The following PSMC2 variants were observed in gnomAD, a reference collection of about 807,000 sequenced individuals.
PSMC2 encodes proteasome 26S subunit, ATPase 2, also known as 26S proteasome regulatory subunit 7.
In PSMC2, 7 loss-of-function variants were observed where a neutral mutation model predicts 53.3. The ratio of observed to expected loss-of-function variants is 0.13; its 90% CI spans 0.07 to 0.25. The LOEUF (loss-of-function observed/expected upper bound fraction) is 0.25. Among genes scored for constraint, PSMC2 ranks in the 10% least tolerant of loss-of-function variants. The probability of loss-of-function intolerance (pLI) is 1.00; values close to 1 mark genes in which losing one functional copy is unlikely to be tolerated. For synonymous variants in PSMC2, 169 were observed against 183.9 expected, an observed-to-expected ratio of 0.92 and a Z score of 0.66; for missense variants, 241 against 544.0, an observed-to-expected ratio of 0.44 and a Z score of 5.54.
At chr7:103,352,738 ATT>A in intron 1 of PSMC2, 1 of 733,540 alleles carries the variant, frequency 1.4e-6, no homozygotes, top group Non-Finnish European at 2.5e-6. Flanking sequence ...TGGTAGATTC[ATT>A]TTTTCTTTAT....
At chr7:103,361,510 C>CAAAAAAAAAA (rs759044767) in intron 4 of PSMC2, among the ~76,000 whole-genome samples, 8 of 51,058 alleles carry the variant, frequency 1.6e-4, no homozygotes, top group African/African-American at 3.2e-4. Context: ...AACTCCATCT[C>CAAAAAAAAAA]AAAAAAAAAA....
intron 9 of PSMC2, among the ~76,000 whole-genome samples, chr7:103,366,906 G>C (rs1003228824): frequency 1.7e-4 from 26 of 152,124 alleles, no homozygotes; most frequent in African/African-American, 6.0e-4. Context: ...CTGGGTTCAA[G>C]CAATTCTCAT....
At chr7:103,352,672 G>C in intron 1 of PSMC2, 1 of 564,580 alleles carries the variant, frequency 1.8e-6, no homozygotes, top group Non-Finnish European at 3.2e-6. Context: ...GGGATTACAA[G>C]TGTGAGCCAC....
At chr7:103,351,285 G>T (rs956956859) in intron 1 of PSMC2, among the ~76,000 whole-genome samples, 2 of 152,150 alleles carry the variant, frequency 1.3e-5, no homozygotes, top group African/African-American at 4.8e-5. Flanking sequence ...AGGATACAAA[G>T]CAAAATCAGC....
rs780322948 is a variant in PSMC2, at chr7:103,364,184, C to T, written c.633C>T (p.Gly211=). 2.7e-5 allele frequency: 43 copies of T among 1,614,040 alleles called. No homozygotes were observed. Among genetic ancestry groups the T allele is most frequent in the East Asian group, 6.7e-5 (3 of 44,898 alleles). Residue 211 remains glycine (G), a synonymous_variant, in exon 8 of 12, where the codon GGC becomes GGT. Transcript: ENST00000292644. ...FVNLGIEPPK[G]VLLFGPPGTG... ...ACCTTGGCATTGAGCCTCCCAAGGG[C>T]GTGCTGCTCTTTGGTCCACCCGGTA...
intron 1 of PSMC2, chr7:103,348,488 G>C: frequency 1.6e-6 from 1 of 606,860 alleles, no homozygotes; most frequent in Non-Finnish European, 3.1e-6. Context: ...ATAGTATCCT[G>C]TATTATGCGT....
chr7:103,362,123 C>T (rs914997186), intron 5 of PSMC2, 35 bp downstream of exon 5: 2 of 1,609,470 alleles, frequency 1.2e-6, no homozygotes, highest in African/African-American at 2.7e-5. Flanking sequence ...ACTTTTCTTT[C>T]ACTAAGGATA....
chr7:103,353,342 G>T lies in PSMC2; in HGVS notation c.71-579G>T, dbSNP rs1333462319. 5.9e-5 allele frequency among the ~76,000 whole-genome samples: 9 copies of T among 151,756 alleles called. 1 individual carries two copies. The highest frequency in any genetic ancestry group is 1.5e-5 in the Non-Finnish European group (1 of 67,950). ...TTCTTTTTGAGATGGAGTCTCTCTC[G>T]GTCACCCAGGCTGGAGTGCGGTGAT... On this transcript the variant is annotated intron_variant, in intron 1 of 11. Coordinates refer to ENST00000292644, the MANE Select transcript of PSMC2 (RefSeq NM_002803.4).
chr7:103,362,228 A>C (rs1022164477), intron 5 of PSMC2, 140 bp downstream of exon 5: 12 of 1,455,362 alleles, frequency 8.2e-6, no homozygotes, highest in Middle Eastern at 2.3e-4. Flanking sequence ...TATAGTTGAA[A>C]ATTCTGTCTT....
chr7:103,354,996 G>A, intron 3 of PSMC2, 47 bp downstream of exon 3: 1 of 1,216,848 alleles, frequency 8.2e-7, no homozygotes, highest in South Asian at 1.3e-5. Context: ...TGTAATGTGT[G>A]AATAATATCA....
At chr7:103,354,061 A>C (rs879773342) in intron 2 of PSMC2, 103 bp downstream of exon 2, 123 of 895,524 alleles carry the variant, frequency 1.4e-4, no homozygotes, top group Non-Finnish European at 1.9e-4. Context: ...AAGAAACCAA[A>C]AATTAAAAAA....
chr7:103,354,396 G>A (rs928529581), intron 2 of PSMC2, among the ~76,000 whole-genome samples: 6 of 140,520 alleles, frequency 4.3e-5, no homozygotes, highest in African/African-American at 1.6e-4. Flanking sequence ...GAAACGGAGT[G>A]TTGCTCTTGT....
intron 1 of PSMC2, among the ~76,000 whole-genome samples, chr7:103,353,574 T>G (rs1011809746): frequency 5.9e-5 from 9 of 152,252 alleles, no homozygotes; most frequent in Non-Finnish European, 7.3e-5. Flanking sequence ...CCCAAAGTAC[T>G]GGGATTATAG....
chr7:103,367,408 C>T lies in PSMC2; in HGVS notation c.845-5C>T, dbSNP rs749206571. The T allele has an allele frequency of 1.4e-5, 22 of 1,613,054 alleles. No homozygotes were observed. Among genetic ancestry groups the T allele is most frequent in the Non-Finnish European group, 1.8e-5 (21 of 1,179,848 alleles). On this transcript the variant is annotated splice_polypyrimidine_tract_variant and splice_region_variant and intron_variant, in intron 9 of 11. Transcript: ENST00000292644. The surrounding 1 kb of genome is among the most constrained non-coding windows in gnomAD (Gnocchi z 6.1). The stretch of plus-strand genomic sequence containing the variant: ...AAGAGCTTATCTTTCCTTTTGTCTT[C>T]TCAGGGGCTCGTTTTGATGATGGTG...
upstream of PSMC2, chr7:103,347,567 C>T (rs1819629377): frequency 4.7e-6 from 4 of 856,082 alleles, no homozygotes; most frequent in South Asian, 4.4e-5. Flanking sequence ...TTCCCCAGGG[C>T]TCTGTCCGGA....
chr7:103,361,128 GA>G (rs367989398), intron 4 of PSMC2, among the ~76,000 whole-genome samples: 6 of 144,544 alleles, frequency 4.2e-5, no homozygotes, highest in Non-Finnish European at 6.1e-5. Context: ...AAAAGAAAAA[GA>G]AAAAAAAACA....
In PSMC2 at chr7:103,347,894, G is replaced by GC. The variant is rs1819639961; in HGVS notation, c.70+117dup. 4.2e-6 allele frequency: 5 copies of GC among 1,187,420 alleles called. No homozygotes were observed. The Admixed American group carries it at 9.5e-5, about 22-fold the overall frequency. The allele number at this position is 1,187,420 out of a possible 1,614,324, so 73.6% of individuals were successfully genotyped here. On this transcript the variant is annotated intron_variant, in intron 1 of 11. Transcript: ENST00000292644. ...TGGCTCTGTGCTCTGGCCCTTTTGT[G>GC]CCCCTAGTAATTTAGTCTGGACACC...
At chr7:103,366,927 C>G (rs1011265490) in intron 9 of PSMC2, among the ~76,000 whole-genome samples, 7 of 152,284 alleles carry the variant, frequency 4.6e-5, no homozygotes, top group Non-Finnish European at 1.0e-4. Flanking sequence ...GTCTCAGCCT[C>G]CTGAGTAGCT....
At chr7:103,348,609 C>A (rs1017468721) in intron 1 of PSMC2, 31 of 1,111,728 alleles carry the variant, frequency 2.8e-5, no homozygotes, top group Middle Eastern at 2.9e-4. Flanking sequence ...AGATGGGTCA[C>A]CAGAAGCTAT....
Sources: gnomAD v4.1 joint callset for allele counts (sites outside exome capture counted in the v4.1 genomes callset) on GRCh38, gnomAD v4.1.1 for gene constraint, Gnocchi (gnomAD v3.1) non-coding constraint, MANE v1.5 for transcripts, NCBI Gene and HGNC (gene_info 2026-07-23, HGNC 2026-07-21) for gene names.